The following SPAG17 variants were observed in gnomAD, a reference collection of about 807,000 sequenced individuals.
SPAG17 encodes sperm-associated antigen 17.
In SPAG17, 169 loss-of-function variants were observed where a neutral mutation model predicts 273.6. The ratio of observed to expected loss-of-function variants is 0.62; its 90% CI spans 0.55 to 0.70. The LOEUF (loss-of-function observed/expected upper bound fraction) is 0.70. Among genes scored for constraint, SPAG17 ranks in the 30% least tolerant of loss-of-function variants. The pLI is 0.00. For synonymous variants in SPAG17, 825 were observed against 873.2 expected (o/e 0.94, Z 0.97); for missense variants, 2,557 against 2,627.8 (o/e 0.97, Z 0.59).
intron 48 of SPAG17, chr1:117,959,620 T>A: frequency 1.7e-6 from 1 of 605,516 alleles, no homozygotes; most frequent in Non-Finnish European, 2.6e-6. Flanking sequence ...CATGAGATTA[T>A]GGGCTGGCTC....
intron 1 of SPAG17, among the ~76,000 whole-genome samples, chr1:118,152,930 T>C (rs186933024): frequency 6.6e-6 from 1 of 152,290 alleles, no homozygotes; most frequent in Non-Finnish European, 1.5e-5. Context: ...GTACACACAG[T>C]TACAGTACAG....
At chr1:118,042,356 C>T (rs1331410516) in intron 20 of SPAG17, among the ~76,000 whole-genome samples, 1 of 152,146 alleles carries the variant, frequency 6.6e-6, no homozygotes, top group Admixed American at 6.5e-5. Flanking sequence ...CTTAACTGGT[C>T]TCCCAGTCTC....
intron 12 of SPAG17, 116 bp downstream of exon 12, chr1:118,086,555 G>A: frequency 1.1e-6 from 1 of 877,706 alleles, no homozygotes; most frequent in Non-Finnish European, 1.8e-6. Context: ...TATCTATTTT[G>A]TACATTACAT....
In SPAG17 at chr1:118,090,974, C is replaced by G. The variant is rs556687380; in HGVS notation, c.1359+632G>C. Among the ~76,000 whole-genome samples the G allele has an allele frequency of 3.3e-5, 5 of 152,000 alleles. No homozygotes were observed. The South Asian group carries it at 1.0e-3, about 32-fold the overall frequency. The stretch of plus-strand genomic sequence containing the variant: ...AAATAAAAAGTAAAAAGGTGTTGAT[C>G]AATGAAACCAAATCCTGGTTCTTTG... On this transcript the variant is annotated intron_variant, in intron 10 of 48. Transcript: ENST00000336338.
intron 15 of SPAG17, among the ~76,000 whole-genome samples, chr1:118,074,913 G>A (rs1186138374): frequency 6.6e-6 from 1 of 152,170 alleles, no homozygotes; most frequent in Non-Finnish European, 1.5e-5. Flanking sequence ...TTTAAAAGTT[G>A]TAATTATTTA....
intron 4 of SPAG17, 79 bp from the exon 5 acceptor site, chr1:118,102,005 C>A: frequency 1.7e-6 from 2 of 1,186,506 alleles, no homozygotes; most frequent in African/African-American, 1.5e-5. Flanking sequence ...TGAATTAATT[C>A]TTCATCTCAT....
intron 3 of SPAG17, among the ~76,000 whole-genome samples, chr1:118,147,194 A>G (rs1444567499): frequency 6.6e-6 from 1 of 152,076 alleles, no homozygotes. Flanking sequence ...TTGAGGTTAG[A>G]GTCTTTATAA....
rs201974129 is a variant in SPAG17 at position 117,984,802 on chromosome 1, T to C, written c.5670-20A>G. On this transcript the variant is annotated intron_variant, in intron 40 of 48. Coordinates refer to ENST00000336338, the MANE Select transcript of SPAG17 (RefSeq NM_206996.4). The stretch of plus-strand genomic sequence containing the variant: ...TCCTTCCTGGTTGATGTTTCCATGA[T>C]GATGCAAAAGAAGACATAGAATATT... The C allele has an allele frequency of 1.4e-6, 2 of 1,458,478 alleles. No homozygotes were observed. The highest frequency in any genetic ancestry group is 1.4e-5 in the African/African-American group (1 of 71,866). The allele number at this position is 1,458,478 out of a possible 1,614,324, so 90.3% of individuals were successfully genotyped here.
At chr1:118,045,551 CCTTATAATATCTTTTTA>C (rs1373606613) in intron 20 of SPAG17, among the ~76,000 whole-genome samples, 1 of 152,156 alleles carries the variant, frequency 6.6e-6, no homozygotes, top group African/African-American at 2.4e-5. Context: ...TCATTTGTAT[CCTTATAATATCTTTTTA>C]TAATAAACCA....
At position 118,086,689 on chromosome 1, in the gene SPAG17, G is replaced by C. The variant is rs752450603; in HGVS notation, c.1593C>G (p.His531Gln). Residue 531 changes from histidine to glutamine, a missense_variant, in exon 12 of 49, where the codon CAC becomes CAG. By Grantham distance (24) the His-to-Gln change is conservative (BLOSUM62 0). Coordinates refer to ENST00000336338, the MANE Select transcript of SPAG17 (RefSeq NM_206996.4). The stretch of plus-strand genomic sequence containing the variant: ...TTATTACCTGTAGTGCGTACTTCTT[G>C]TGGGCGTGTGCATCATGATAGTTCA... ...LLLNYHDAHA[H>Q]KKYALQDQKN... The C allele has an allele frequency of 6.2e-6, 10 of 1,614,126 alleles. No individual in the cohort carries two copies. Among genetic ancestry groups the C allele is most frequent in the Non-Finnish European group, 7.6e-6 (9 of 1,179,990 alleles).
chr1:117,988,037 T>C, intron 39 of SPAG17, 68 bp downstream of exon 39: 1 of 1,452,000 alleles, frequency 6.9e-7, no homozygotes. Flanking sequence ...TTATAGCACC[T>C]GCATATTCCA....
At chr1:118,157,585 C>T (rs1659716477) in intron 1 of SPAG17, among the ~76,000 whole-genome samples, 1 of 152,116 alleles carries the variant, frequency 6.6e-6, no homozygotes, top group African/African-American at 2.4e-5. Flanking sequence ...CTAAGCACCC[C>T]CTGCCAACAA....
intron 32 of SPAG17, among the ~76,000 whole-genome samples, chr1:117,999,641 G>C (rs4604681): frequency 0.064 from 9,726 of 152,186 alleles, 517 homozygotes; most frequent in East Asian, 0.31. Flanking sequence ...AGAAGTGTCT[G>C]TTCATATCCT....
At chr1:118,074,269 G>GT (rs1254734909) in intron 16 of SPAG17, among the ~76,000 whole-genome samples, 1 of 152,128 alleles carries the variant, frequency 6.6e-6, no homozygotes, top group East Asian at 1.9e-4. Flanking sequence ...CTACAGGGCT[G>GT]TATGGTGAGC....
At chr1:118,014,921 C>T (rs1659818410) in intron 29 of SPAG17, among the ~76,000 whole-genome samples, 1 of 152,152 alleles carries the variant, frequency 6.6e-6, no homozygotes, top group African/African-American at 2.4e-5. Flanking sequence ...CTCAATTTCT[C>T]ATCTGTGTAA....
chr1:117,973,429 G>A lies in SPAG17; in HGVS notation c.6137C>T (p.Ala2046Val), dbSNP rs1357725040. ...LSSKPKSQPL[A>V]KVQDSVGGKV... is the part of the protein sequence containing the mutation. ...TTGTTCCAATGTTTGTTTTACCTTTGCAAGAGGTTGAGACTTAGGCTTGGA... is the reference window on the plus strand; with the variant it reads ...TTGTTCCAATGTTTGTTTTACCTTTACAAGAGGTTGAGACTTAGGCTTGGA... Residue 2046 changes from alanine (A) to valine (V), a missense_variant, in exon 44 of 49, where the codon GCA (alanine) becomes GTA (valine). Coordinates refer to ENST00000336338, the MANE Select transcript of SPAG17 (RefSeq NM_206996.4). The A allele has an allele frequency of 6.2e-7, 1 of 1,612,184 alleles. No individual in the cohort carries two copies. The highest frequency in any genetic ancestry group is 8.5e-7 in the Non-Finnish European group (1 of 1,178,926).
rs374877149 is a variant in SPAG17, at chr1:118,118,931, A to G, written c.316-3490T>C. On this transcript the variant is annotated intron_variant, in intron 3 of 48. Coordinates refer to ENST00000336338, the MANE Select transcript of SPAG17 (RefSeq NM_206996.4). ...TATCTAATGATTTGATCCAACAAAA[A>G]TATACCAAATGAGCCAAATTATTTC... Among the ~76,000 whole-genome samples, 639 of 152,318 alleles carry G rather than the reference A, an allele frequency of 4.2e-3. 5 individuals are homozygous for G. The highest frequency in any genetic ancestry group is 0.015 in the African/African-American group (604 of 41,560).
intron 43 of SPAG17, among the ~76,000 whole-genome samples, chr1:117,979,652 G>A (rs1655546267): frequency 1.3e-5 from 2 of 152,100 alleles, no homozygotes; most frequent in South Asian, 2.1e-4. Context: ...ATAAAACTGC[G>A]CTGAGAAGTA....
intron 24 of SPAG17, among the ~76,000 whole-genome samples, chr1:118,032,527 A>AT (rs1225070599): frequency 3.3e-5 from 5 of 151,292 alleles, no homozygotes; most frequent in East Asian, 1.9e-4. Context: ...ACCTCTAGTC[A>AT]TTTTTTTTCT....
Sources: gnomAD v4.1 joint callset for allele counts (sites outside exome capture counted in the v4.1 genomes callset) on GRCh38, gnomAD v4.1.1 for gene constraint, MANE v1.5 for transcripts, NCBI Gene and HGNC (gene_info 2026-07-23, HGNC 2026-07-21) for gene names.